Variants in ALDH1L2 observed in about 807,000 individuals in gnomAD.
The protein encoded by ALDH1L2 is mitochondrial 10-formyltetrahydrofolate dehydrogenase.
Under a neutral mutation model 111.0 loss-of-function variants are expected in ALDH1L2, and 91 were observed. The observed-to-expected ratio is 0.82, with a 90% CI of 0.69 to 0.98. The LOEUF is 0.98. Among genes scored for constraint, ALDH1L2 ranks in the 50% least tolerant of loss-of-function variants. ALDH1L2 has a pLI of 0.00. For synonymous variants in ALDH1L2, 374 were observed against 392.6 expected (o/e 0.95, Z 0.56); for missense variants, 995 against 1,126.8 (o/e 0.88, Z 1.67).
rs780061595 is a variant in ALDH1L2, at chr12:105,052,839, G to T, written c.1380C>A (p.Tyr460Ter). The change falls in exon 11 of 23, where the codon TAC becomes TAA. Residue 460 changes from tyrosine to a stop codon, truncating the protein, a stop_gained. Coordinates refer to ENST00000258494, the MANE Select transcript of ALDH1L2 (RefSeq NM_001034173.4). LOFTEE classifies it high-confidence loss of function. ...QFTDADDGKTYDTINPTDGST... is the reference protein window; with the variant it reads ...QFTDADDGKT Reference sequence around the variant, plus strand: ...ATCCATCTGTTGGGTTGATAGTGTCGTAAGTCTTTCCATCGTCTGCATCTG... The same window carrying T: ...ATCCATCTGTTGGGTTGATAGTGTCTTAAGTCTTTCCATCGTCTGCATCTG... The T allele has an allele frequency of 1.2e-6, 2 of 1,613,996 alleles. No homozygotes were observed. The highest frequency in any genetic ancestry group is 1.7e-5 in the Admixed American group (1 of 59,996).
Position 105,026,460 on chromosome 12 carries a change from G to T in ALDH1L2, c.2716+85C>A, listed in dbSNP as rs1416954209. On this transcript the variant is annotated intron_variant, in intron 22 of 22. Transcript: ENST00000258494. ...TGCCATGTAGGAAATGCCCCTCAAA[G>T]TCACACACAAGTCATGAAACATAGA... 4 of 1,509,120 alleles carry T rather than the reference G, an allele frequency of 2.7e-6. No individual in the cohort carries two copies. In the African/African-American group the frequency reaches 5.5e-5, roughly 21 times the overall value. 93.5% of individuals were successfully genotyped at this position (1,509,120 alleles called of 1,614,324 possible).
intron 13 of ALDH1L2, 140 bp from the exon 14 acceptor site, chr12:105,047,109 A>G (rs1239617350): frequency 3.5e-6 from 3 of 856,132 alleles, no homozygotes; most frequent in Admixed American, 2.6e-5. Flanking sequence ...AACTATATTC[A>G]TGCCAAAGAA....
Position 105,049,900 on chromosome 12 carries a change from GT to G in ALDH1L2, c.1686+7del, listed in dbSNP as rs1437450193. The G allele has an allele frequency of 6.2e-7, 1 of 1,608,052 alleles. No individual in the cohort carries two copies. The highest frequency in any genetic ancestry group is 8.5e-7 in the Non-Finnish European group (1 of 1,177,256). ...TTTTCTTTCAGAACAAATAATATTT[GT>G]GCTTACCTGAATTTTGTCGCACCAG... On this transcript the variant is annotated splice_region_variant and intron_variant, in intron 13 of 22. Coordinates refer to ENST00000258494, the MANE Select transcript of ALDH1L2 (RefSeq NM_001034173.4).
intron 1 of ALDH1L2, among the ~76,000 whole-genome samples, chr12:105,083,484 T>C (rs1247180631): frequency 6.6e-6 from 1 of 152,230 alleles, no homozygotes; most frequent in Middle Eastern, 3.2e-3. Context: ...TACTCAAGAC[T>C]TCTCTCTGCC....
chr12:105,031,749 C>G lies in ALDH1L2; in HGVS notation c.2410+20G>C, dbSNP rs1459403786. 6.2e-7 allele frequency: 1 copy of G among 1,609,294 alleles called. No individual in the cohort carries two copies. Among genetic ancestry groups the G allele is most frequent in the African/African-American group, 1.3e-5 (1 of 74,768 alleles). ...TGAAGAAGGCGGGCACCCGGTAAAC[C>G]CCCACAGAGGTGATCTTACCTGGCC... On this transcript the variant is annotated intron_variant, in intron 20 of 22. Transcript: ENST00000258494.
rs1017317019 is a variant in ALDH1L2 at position 105,022,602 on chromosome 12, C to T, written c.*1822G>A. ...ATTACTTATAAAAAGGCTTTTGTCA[C>T]TTTTATTCAAATATGAACTGTCATT... On this transcript the variant is annotated 3_prime_UTR_variant, in exon 23 of 23. Transcript: ENST00000258494. The T allele has an allele frequency of 6.6e-6, 1 of 152,216 alleles. No homozygotes were observed. Among genetic ancestry groups the T allele is most frequent in the Non-Finnish European group, 1.5e-5 (1 of 68,028 alleles). 9.4% of individuals were successfully genotyped at this position (152,216 alleles called of 1,614,324 possible).
intron 1 of ALDH1L2, 56 bp from the exon 2 acceptor site, chr12:105,074,061 G>C: frequency 6.2e-7 from 1 of 1,602,640 alleles, no homozygotes; most frequent in Non-Finnish European, 8.5e-7. Flanking sequence ...ACTGGATGAG[G>C]GTGAGGGTTA....
intron 10 of ALDH1L2, among the ~76,000 whole-genome samples, chr12:105,055,608 T>A (rs1400805304): frequency 6.6e-6 from 1 of 152,154 alleles, no homozygotes; most frequent in Non-Finnish European, 1.5e-5. Flanking sequence ...AGCCTAGACA[T>A]TGGATTTGCT....
intron 2 of ALDH1L2, 138 bp downstream of exon 2, chr12:105,073,723 C>T (rs1877869469): frequency 2.4e-6 from 3 of 1,232,608 alleles, no homozygotes; most frequent in South Asian, 3.0e-5. Flanking sequence ...TCCCTGATTC[C>T]CACTCTTTTC....
chr12:105,023,787 G>A lies in ALDH1L2; in HGVS notation c.*637C>T, dbSNP rs1874276140. 1.3e-5 allele frequency: 2 copies of A among 152,066 alleles called. No homozygotes were observed. The highest frequency in any genetic ancestry group is 2.1e-4 in the South Asian group (1 of 4,818). The allele number at this position is 152,066 out of a possible 1,614,324, so 9.4% of individuals were successfully genotyped here. A position where few individuals can be genotyped will look rare whatever the true frequency, so the allele number is the denominator to read the frequency against. On this transcript the variant is annotated 3_prime_UTR_variant, in exon 23 of 23. Coordinates refer to ENST00000258494, the MANE Select transcript of ALDH1L2 (RefSeq NM_001034173.4). ...CTATTTACTAAAATTTAAACTATGT[G>A]GGGGCCAGCCATCATATCATTAAAT...
At chr12:105,061,545 A>G (rs1326100231) in intron 8 of ALDH1L2, 82 bp downstream of exon 8, 5 of 1,566,334 alleles carry the variant, frequency 3.2e-6, no homozygotes, top group Non-Finnish European at 4.3e-6. Flanking sequence ...TGATCCCACT[A>G]CTTTGAGGAC....
At chr12:105,057,666 G>A (rs1876715990) in intron 10 of ALDH1L2, among the ~76,000 whole-genome samples, 1 of 152,198 alleles carries the variant, frequency 6.6e-6, no homozygotes, top group South Asian at 2.1e-4. Context: ...GCCACATGTT[G>A]TATGATTCTA....
At chr12:105,038,283 C>CAA (rs2136058816) in intron 17 of ALDH1L2, 81 bp from the exon 18 acceptor site, 4 of 47,574 alleles carry the variant, frequency 8.4e-5, no homozygotes, top group Admixed American at 4.9e-4. Context: ...CACACAAACA[C>CAA]ACACACACAC....
At chr12:105,080,292 C>G (rs948646998) in intron 1 of ALDH1L2, among the ~76,000 whole-genome samples, 2 of 152,124 alleles carry the variant, frequency 1.3e-5, no homozygotes, top group Admixed American at 6.6e-5. Flanking sequence ...TTTTGCCACC[C>G]TGATGAGTGA....
Position 105,038,258 on chromosome 12 carries a change from TCTCACACA to T in ALDH1L2, c.2046-64_2046-57del, listed in dbSNP as rs1308515243. The T allele has an allele frequency of 8.5e-6, 6 of 707,708 alleles. No individual in the cohort carries two copies. In the East Asian group the frequency reaches 1.9e-4, roughly 22 times the overall value. 43.8% of individuals were successfully genotyped at this position (707,708 alleles called of 1,614,324 possible). A position where few individuals can be genotyped will look rare whatever the true frequency, so the allele number is the denominator to read the frequency against. ...TAGTTAACATCTCTCTCTCTCTCTC[TCTCACACA>T]CACACACACACAAACACACACACAC... On this transcript the variant is annotated intron_variant, in intron 17 of 22. Transcript: ENST00000258494.
intron 7 of ALDH1L2, among the ~76,000 whole-genome samples, 157 bp downstream of exon 7, chr12:105,062,731 A>T (rs1877074225): frequency 6.6e-6 from 1 of 152,230 alleles, no homozygotes; most frequent in African/African-American, 2.4e-5. Flanking sequence ...GCCTATGCAG[A>T]TCTGTGGGGC....
At chr12:105,040,584 C>T (rs765941047) in intron 16 of ALDH1L2, 23 bp downstream of exon 16, 2 of 1,611,486 alleles carry the variant, frequency 1.2e-6, no homozygotes, top group Non-Finnish European at 1.7e-6. Context: ...AGTTATAGCA[C>T]AGTCGGTCAT....
intron 1 of ALDH1L2, 54 bp downstream of exon 1, chr12:105,084,335 G>GT (rs1286893896): frequency 6.7e-7 from 1 of 1,498,182 alleles, no homozygotes; most frequent in Non-Finnish European, 8.9e-7. Context: ...CCGCCCCGGA[G>GT]TCTGGAAACC....
chr12:105,032,006 G>T, intron 19 of ALDH1L2, 72 bp from the exon 20 acceptor site: 1 of 1,492,906 alleles, frequency 6.7e-7, no homozygotes, highest in Non-Finnish European at 9.1e-7. Flanking sequence ...AGTGGTAGGT[G>T]TTATACTAAG....
Sources: gnomAD v4.1 joint callset for allele counts (sites outside exome capture counted in the v4.1 genomes callset) on GRCh38, gnomAD v4.1.1 for gene constraint, MANE v1.5 for transcripts, NCBI Gene and HGNC (gene_info 2026-07-23, HGNC 2026-07-21) for gene names.